The following SORCS3 variants were observed in gnomAD, a reference collection of about 807,000 sequenced individuals.
SORCS3 encodes sortilin related VPS10 domain containing receptor 3, also known as VPS10 domain-containing receptor SorCS3.
SORCS3 carries 57 observed loss-of-function variants against 146.3 expected under a neutral mutation model. That is an observed-to-expected ratio of 0.39 (90% confidence interval 0.31 to 0.49). The LOEUF is 0.49. Among genes scored for constraint, SORCS3 ranks in the 20% least tolerant of loss-of-function variants. The probability of loss-of-function intolerance (pLI) is 0.92; values close to 1 mark genes in which losing one functional copy is unlikely to be tolerated. For missense variants in SORCS3, 1,341 were observed against 1,575.5 expected (o/e 0.85, Z 2.52); for synonymous variants, 653 against 618.5 (o/e 1.06, Z -0.83).
At chr10:104,849,808 T>TATA (rs1431084825) in intron 2 of SORCS3, among the ~76,000 whole-genome samples, 5 of 152,224 alleles carry the variant, frequency 3.3e-5, no homozygotes, top group African/African-American at 1.2e-4. Flanking sequence ...ACTGTGCTAA[T>TATA]ACCTTTAGGA....
intron 3 of SORCS3, among the ~76,000 whole-genome samples, chr10:104,934,598 A>G (rs2019241501): frequency 2.0e-5 from 3 of 152,116 alleles, no homozygotes; most frequent in African/African-American, 7.2e-5. Flanking sequence ...GCATAAGTGC[A>G]CTCATTTTAT....
chr10:104,756,131 C>T (rs768937906), intron 1 of SORCS3, among the ~76,000 whole-genome samples: 7 of 152,190 alleles, frequency 4.6e-5, no homozygotes, highest in Non-Finnish European at 1.0e-4. Flanking sequence ...GTCGAGGTCA[C>T]TCTGAGCCTC....
At chr10:104,742,870 C>A (rs1045241141) in intron 1 of SORCS3, among the ~76,000 whole-genome samples, 1 of 152,066 alleles carries the variant, frequency 6.6e-6, no homozygotes, top group Admixed American at 6.5e-5. Flanking sequence ...GCTGAGACTC[C>A]GTAAGACTGG....
At chr10:104,720,391 G>A (rs2016532334) in intron 1 of SORCS3, among the ~76,000 whole-genome samples, 1 of 152,164 alleles carries the variant, frequency 6.6e-6, no homozygotes, top group Non-Finnish European at 1.5e-5. Flanking sequence ...GGACATTTGG[G>A]TTGGTTCCAA....
chr10:104,836,462 G>A (rs1292530595), intron 1 of SORCS3, among the ~76,000 whole-genome samples: 2 of 152,172 alleles, frequency 1.3e-5, no homozygotes, highest in South Asian at 2.1e-4. Context: ...GCTGGCTTGA[G>A]CATTTGGGGA....
At chr10:105,245,051 A>G (rs2056857461) in intron 20 of SORCS3, among the ~76,000 whole-genome samples, 1 of 144,628 alleles carries the variant, frequency 6.9e-6, no homozygotes, top group South Asian at 2.3e-4. Flanking sequence ...CCTGGGCGGC[A>G]GAGCAAGACT....
intron 1 of SORCS3, among the ~76,000 whole-genome samples, chr10:104,782,566 T>C (rs1384785742): frequency 2.0e-5 from 3 of 152,212 alleles, no homozygotes; most frequent in Non-Finnish European, 2.9e-5. Context: ...TGTTCTTGGA[T>C]ACCTACAGAA....
At chr10:105,017,145 A>ATT (rs34734862) in intron 4 of SORCS3, among the ~76,000 whole-genome samples, 1,899 of 147,216 alleles carry the variant, frequency 0.013, 17 homozygotes, top group Non-Finnish European at 0.019. Flanking sequence ...AATGAAGGGG[A>ATT]TTTTTTTTTT....
intron 3 of SORCS3, among the ~76,000 whole-genome samples, chr10:104,920,946 A>C (rs1256812922): frequency 6.6e-6 from 1 of 152,116 alleles, no homozygotes; most frequent in African/African-American, 2.4e-5. Flanking sequence ...TGGCCAATTA[A>C]CTCATTGCCC....
At chr10:104,914,248 A>G (rs986889272) in intron 2 of SORCS3, among the ~76,000 whole-genome samples, 12 of 152,302 alleles carry the variant, frequency 7.9e-5, no homozygotes, top group Middle Eastern at 3.4e-3. Context: ...AGGAGCCTAC[A>G]TTGTGCTTGG....
intron 2 of SORCS3, among the ~76,000 whole-genome samples, chr10:104,860,729 C>T (rs2018392049): frequency 1.3e-5 from 2 of 152,116 alleles, no homozygotes; most frequent in South Asian, 4.1e-4. Flanking sequence ...AATAGGTAAA[C>T]ACTGTTATCC....
intron 1 of SORCS3, among the ~76,000 whole-genome samples, chr10:104,808,974 T>C (rs1219977061): frequency 6.6e-6 from 1 of 152,164 alleles, no homozygotes; most frequent in Non-Finnish European, 1.5e-5. Context: ...ATTGATTGCG[T>C]TGGCTATAGT....
At chr10:105,052,691 A>G (rs2055421426) in intron 5 of SORCS3, among the ~76,000 whole-genome samples, 1 of 152,116 alleles carries the variant, frequency 6.6e-6, no homozygotes, top group Admixed American at 6.5e-5. Context: ...TGAGTTGTTC[A>G]CTTCCATGAG....
intron 19 of SORCS3, among the ~76,000 whole-genome samples, chr10:105,222,754 A>G (rs1014378491): frequency 5.9e-5 from 9 of 152,232 alleles, no homozygotes; most frequent in African/African-American, 1.9e-4. Context: ...ACCCCAAATC[A>G]CAATACAGGC....
chr10:105,027,861 G>T (rs1287309954), intron 4 of SORCS3, among the ~76,000 whole-genome samples: 1 of 152,146 alleles, frequency 6.6e-6, no homozygotes, highest in African/African-American at 2.4e-5. Flanking sequence ...AAACACATGT[G>T]GTAGAGCAGC....
Position 105,227,606 on chromosome 10 carries a change from G to A in SORCS3, c.2868+4357G>A, listed in dbSNP as rs865973510. ...TAAGTGAAATGTTTCTTTGTTTTCCGTCTAGATGATCTGTCTAATACTGAA... is the reference window on the plus strand; with the variant it reads ...TAAGTGAAATGTTTCTTTGTTTTCCATCTAGATGATCTGTCTAATACTGAA... On this transcript the variant is annotated intron_variant, in intron 20 of 26. Transcript: ENST00000369701. Among the ~76,000 whole-genome samples, 13 of 151,988 alleles carry A rather than the reference G, an allele frequency of 8.6e-5. No homozygotes were observed. In the East Asian group the frequency reaches 2.1e-3, roughly 25 times the overall value.
intron 20 of SORCS3, among the ~76,000 whole-genome samples, chr10:105,236,794 A>G (rs971436080): frequency 6.6e-6 from 1 of 152,180 alleles, no homozygotes; most frequent in African/African-American, 2.4e-5. Context: ...GTTAAATTGA[A>G]TGAGTCACTT....
intron 5 of SORCS3, among the ~76,000 whole-genome samples, chr10:105,064,761 C>T (rs941111034): frequency 6.9e-6 from 1 of 145,136 alleles, no homozygotes; most frequent in Non-Finnish European, 1.6e-5. Context: ...AAGAATTCAC[C>T]TTTCCTCTTT....
chr10:104,708,457 C>T (rs1365887861), intron 1 of SORCS3, among the ~76,000 whole-genome samples: 1 of 152,168 alleles, frequency 6.6e-6, no homozygotes, highest in Non-Finnish European at 1.5e-5. Flanking sequence ...CCCTATTCTT[C>T]CAGCTGTCAT....
Sources: gnomAD v4.1 joint callset for allele counts (sites outside exome capture counted in the v4.1 genomes callset) on GRCh38, gnomAD v4.1.1 for gene constraint, MANE v1.5 for transcripts, NCBI Gene and HGNC (gene_info 2026-07-23, HGNC 2026-07-21) for gene names.